CHRM5: variants seen among roughly 807,000 people sequenced by gnomAD.
The protein encoded by CHRM5 is cholinergic receptor muscarinic 5, also known as muscarinic acetylcholine receptor M5.
A neutral mutation model predicts 39.0 loss-of-function variants in CHRM5; 18 were observed. The observed-to-expected ratio is 0.46, with a 90% CI of 0.32 to 0.68. CHRM5 has a LOEUF of 0.68. CHRM5 is among the 30% of genes least tolerant of loss of function. The pLI, the probability that CHRM5 is intolerant of heterozygous loss-of-function variation, is 0.04. For missense variants in CHRM5, 515 were observed against 651.1 expected, an observed-to-expected ratio of 0.79 and a Z score of 2.28; for synonymous variants, 241 against 246.3, an observed-to-expected ratio of 0.98 and a Z score of 0.20.
rs1173231882 is a variant in CHRM5, at chr15:34,063,551, C to T, written c.834C>T (p.Thr278=). The T allele has an allele frequency of 6.2e-7, 1 of 1,613,652 alleles. No homozygotes were observed. The highest frequency in any genetic ancestry group is 8.5e-7 in the Non-Finnish European group (1 of 1,180,020). The change falls in exon 3 of 3, where the codon ACC becomes ACT. Residue 278 remains threonine, a synonymous_variant. Transcript: ENST00000383263. This position sits in a 1 kb window ranked among gnomAD's most constrained non-coding sequence, Gnocchi z 4.1. ...QASWSSSRRS[T]STTGKPSQAT... ...CCTGGTCATCCTCCCGCAGGAGCAC[C>T]TCCACCACTGGGAAGCCATCCCAAG...
Position 34,063,734 on chromosome 15 carries a change from T to C in CHRM5, c.1017T>C (p.Ala339=), listed in dbSNP as rs771648670. Residue 339 remains alanine, a synonymous_variant, in exon 3 of 3, where the codon GCT becomes GCC. Coordinates refer to ENST00000383263, the MANE Select transcript of CHRM5 (RefSeq NM_012125.4). The surrounding 1 kb of genome is among the most constrained non-coding windows in gnomAD (Gnocchi z 4.1). ...AAAGCCCAGGGGAAGAATTCAGTGC[T>C]GAAGAGACTGAGGAAACTTTTGTGA... is the stretch of plus-strand genomic sequence containing the variant. ...GKESPGEEFS[A]EETEETFVKA... 4 of 1,614,186 alleles carry C rather than the reference T, an allele frequency of 2.5e-6. No homozygotes were observed. Among genetic ancestry groups the C allele is most frequent in the South Asian group, 1.1e-5 (1 of 91,086 alleles).
chr15:34,020,494 AGCAC>A (rs1160488138), intron 1 of CHRM5, among the ~76,000 whole-genome samples: 1 of 152,126 alleles, frequency 6.6e-6, no homozygotes, highest in Non-Finnish European at 1.5e-5. Context: ...TAAGCCTCTA[AGCAC>A]CTATCCTTGT....
chr15:33,987,373 A>AG (rs1679420807), intron 1 of CHRM5, among the ~76,000 whole-genome samples: 1 of 152,222 alleles, frequency 6.6e-6, no homozygotes, highest in African/African-American at 2.4e-5. Flanking sequence ...GGGAAGGGAA[A>AG]GGGAAAGGCC....
intron 1 of CHRM5, among the ~76,000 whole-genome samples, chr15:33,999,385 T>C (rs1347969339): frequency 6.6e-6 from 1 of 152,216 alleles, no homozygotes; most frequent in Non-Finnish European, 1.5e-5. Context: ...CACATACCTT[T>C]GTAAATGATT....
chr15:33,989,048 A>G (rs1414592543), intron 1 of CHRM5, among the ~76,000 whole-genome samples: 1 of 62,674 alleles, frequency 1.6e-5, no homozygotes. Flanking sequence ...TAAACCTTTC[A>G]TCATAAATCC....
At chr15:34,038,651 C>G in intron 1 of CHRM5, 8 of 863,320 alleles carry the variant, frequency 9.3e-6, no homozygotes, top group Non-Finnish European at 1.2e-5. Flanking sequence ...GCCCGTCCCG[C>G]GCAGGCGCCG....
intron 1 of CHRM5, among the ~76,000 whole-genome samples, chr15:34,031,992 G>T (rs1898861198): frequency 6.8e-6 from 1 of 147,276 alleles, no homozygotes; most frequent in Admixed American, 7.1e-5. Context: ...ACTTATTTCT[G>T]GCACCTCAAC....
intron 1 of CHRM5, among the ~76,000 whole-genome samples, chr15:34,034,446 T>TAAA (rs34205777): frequency 7.0e-6 from 1 of 143,722 alleles, no homozygotes; most frequent in African/African-American, 2.6e-5. Context: ...GTTTCTTTTT[T>TAAA]AAAAAAAAAA....
At chr15:34,062,611 G>T in intron 2 of CHRM5, 32 bp from the exon 3 acceptor site, 6 of 895,316 alleles carry the variant, frequency 6.7e-6, no homozygotes, top group Non-Finnish European at 8.6e-6. Flanking sequence ...TCATGCTGGT[G>T]TGCGAAGCTA....
intron 1 of CHRM5, among the ~76,000 whole-genome samples, chr15:33,987,221 T>C (rs1035706004): frequency 6.6e-6 from 1 of 152,246 alleles, no homozygotes; most frequent in Non-Finnish European, 1.5e-5. Context: ...ACTAAGAATG[T>C]ACAATGCAGT....
chr15:34,062,703 A>T lies in CHRM5; in HGVS notation c.-15A>T. 1 of 1,592,744 alleles carries T rather than the reference A, an allele frequency of 6.3e-7. No homozygotes were observed. The highest frequency in any genetic ancestry group is 8.6e-7 in the Non-Finnish European group (1 of 1,168,264). ...TAGAACCTAACACTATTTACTGTAA[A>T]ATTTTTGCACCAGGATGGAAGGGGA... On this transcript the variant is annotated 5_prime_UTR_variant, in exon 3 of 3. Transcript: ENST00000383263.
intron 1 of CHRM5, among the ~76,000 whole-genome samples, chr15:34,021,323 T>A (rs1214213306): frequency 6.6e-6 from 1 of 151,876 alleles, no homozygotes; most frequent in African/African-American, 2.4e-5. Context: ...TTCACTCTTG[T>A]TGCCCAGACT....
rs372192551 is a variant in CHRM5, at chr15:33,989,369, A to G, written c.-408+20219A>G. ...TGTATAGAACTTTATAATTTGTAAA[A>G]TAATTCCACATGATCGTCACAACTA... On this transcript the variant is annotated intron_variant, in intron 1 of 2. Transcript: ENST00000383263. Among the ~76,000 whole-genome samples the G allele has an allele frequency of 1.1e-4, 17 of 152,210 alleles. No individual in the cohort carries two copies. The East Asian group carries it at 1.5e-3, about 14-fold the overall frequency.
chr15:34,039,201 C>CAGCAG, intron 1 of CHRM5: 1 of 615,302 alleles, frequency 1.6e-6, no homozygotes, highest in Non-Finnish European at 2.1e-6. Flanking sequence ...AGGCCGGCCG[C>CAGCAG]AGCGGAGCGG....
chr15:33,983,604 A>G (rs1490455555), intron 1 of CHRM5, among the ~76,000 whole-genome samples: 2 of 152,120 alleles, frequency 1.3e-5, no homozygotes, highest in African/African-American at 4.8e-5. Flanking sequence ...GCATAGCCTC[A>G]AAACATTATT....
chr15:33,992,389 C>CAAAA (rs145900095), intron 1 of CHRM5, among the ~76,000 whole-genome samples: 2 of 147,524 alleles, frequency 1.4e-5, no homozygotes, highest in South Asian at 4.4e-4. Flanking sequence ...GACTCCGTCT[C>CAAAA]AAAAAAAAAG....
chr15:34,046,248 C>T (rs865952471), intron 1 of CHRM5, among the ~76,000 whole-genome samples: 2 of 151,510 alleles, frequency 1.3e-5, no homozygotes, highest in African/African-American at 4.9e-5. Context: ...ATCCATCAGC[C>T]GTGGAACCTA....
chr15:33,988,386 T>C (rs1320013905), intron 1 of CHRM5, among the ~76,000 whole-genome samples: 1 of 152,202 alleles, frequency 6.6e-6, no homozygotes, highest in Non-Finnish European at 1.5e-5. Flanking sequence ...TTGTACAAAT[T>C]GTTGAACTTT....
chr15:34,052,883 A>G (rs1899979301), intron 2 of CHRM5, among the ~76,000 whole-genome samples: 1 of 152,204 alleles, frequency 6.6e-6, no homozygotes, highest in South Asian at 2.1e-4. Context: ...ATGCTCATGG[A>G]TAGGAAGAAT....
Sources: gnomAD v4.1 joint callset for allele counts (sites outside exome capture counted in the v4.1 genomes callset) on GRCh38, gnomAD v4.1.1 for gene constraint, Gnocchi (gnomAD v3.1) non-coding constraint, MANE v1.5 for transcripts, NCBI Gene and HGNC (gene_info 2026-07-23, HGNC 2026-07-21) for gene names.